Variants in HHAT observed in about 807,000 individuals in gnomAD.
The protein encoded by HHAT is protein-cysteine N-palmitoyltransferase HHAT.
Under a neutral mutation model 70.8 loss-of-function variants are expected in HHAT, and 47 were observed. The ratio of observed to expected loss-of-function variants is 0.66; its 90% CI spans 0.53 to 0.85. The LOEUF is 0.85. HHAT is among the 40% of genes least tolerant of loss of function. The pLI is 0.00. For missense variants in HHAT, 609 were observed against 604.8 expected, an observed-to-expected ratio of 1.01 and a Z score of -0.07; for synonymous variants, 228 against 247.6, an observed-to-expected ratio of 0.92 and a Z score of 0.74.
intron 9 of HHAT, among the ~76,000 whole-genome samples, chr1:210,518,225 A>G (rs2148597843): frequency 6.6e-6 from 1 of 152,250 alleles, no homozygotes; most frequent in East Asian, 1.9e-4. Context: ...CCCCTTTGCC[A>G]GCCTCTCCCT....
intron 10 of HHAT, 165 bp downstream of exon 10, chr1:210,588,264 G>C: frequency 1.6e-6 from 1 of 607,404 alleles, no homozygotes; most frequent in Non-Finnish European, 2.9e-6. Context: ...AGAAGCTTCT[G>C]TAGTGCATAT....
At chr1:210,546,949 G>T (rs144307291) in intron 9 of HHAT, among the ~76,000 whole-genome samples, 1 of 152,270 alleles carries the variant, frequency 6.6e-6, no homozygotes, top group African/African-American at 2.4e-5. Flanking sequence ...GATGAACTGG[G>T]GCCATCACCA....
At chr1:210,527,191 T>C (rs2095260507) in intron 9 of HHAT, among the ~76,000 whole-genome samples, 1 of 152,086 alleles carries the variant, frequency 6.6e-6, no homozygotes, top group Non-Finnish European at 1.5e-5. Flanking sequence ...TTCTCTTCTT[T>C]CCTTTAGTGC....
At chr1:210,398,603 A>G (rs1015772736) in intron 4 of HHAT, among the ~76,000 whole-genome samples, 7 of 152,230 alleles carry the variant, frequency 4.6e-5, no homozygotes, top group African/African-American at 1.7e-4. Context: ...TAAGTTCCCA[A>G]ACGAATCCCA....
chr1:210,665,851 A>G (rs1050704484), intron 11 of HHAT, among the ~76,000 whole-genome samples: 5 of 152,218 alleles, frequency 3.3e-5, no homozygotes, highest in African/African-American at 4.8e-5. Flanking sequence ...CTCTATGACA[A>G]GTTATTTACC....
chr1:210,592,232 G>A (rs1661885736), intron 10 of HHAT, among the ~76,000 whole-genome samples: 1 of 151,936 alleles, frequency 6.6e-6, no homozygotes, highest in Non-Finnish European at 1.5e-5. Context: ...TAGGGGTCTA[G>A]TTTCATTCTT....
intron 8 of HHAT, among the ~76,000 whole-genome samples, chr1:210,500,512 TTACTC>T (rs2094732473): frequency 1.3e-5 from 2 of 152,146 alleles, no homozygotes. Context: ...TGGGTGCAGT[TTACTC>T]TATAAGCAGA....
At chr1:210,350,687 C>T (rs143231942) in intron 2 of HHAT, among the ~76,000 whole-genome samples, 79 of 152,314 alleles carry the variant, frequency 5.2e-4, no homozygotes, top group Admixed American at 1.2e-3. Flanking sequence ...CATAGGTAAT[C>T]ATGGCGTCTG....
At chr1:210,478,475 C>CT (rs1413326825) in intron 8 of HHAT, among the ~76,000 whole-genome samples, 1 of 147,158 alleles carries the variant, frequency 6.8e-6, no homozygotes, top group Non-Finnish European at 1.5e-5. Context: ...TGGTCCTTGG[C>CT]TATTGGGATG....
At chr1:210,374,245 T>C (rs904915114) in intron 3 of HHAT, 7 of 146,038 alleles carry the variant, frequency 4.8e-5, no homozygotes, top group Non-Finnish European at 9.0e-5. Flanking sequence ...AAAGATTTAT[T>C]CGATCTGAAG....
At chr1:210,388,552 AT>A (rs376948754) in intron 4 of HHAT, among the ~76,000 whole-genome samples, 66 of 149,676 alleles carry the variant, frequency 4.4e-4, no homozygotes, top group African/African-American at 1.4e-3. Flanking sequence ...TATGATACTG[AT>A]TTTTTTTTTG....
chr1:210,619,260 T>A (rs916998042), intron 10 of HHAT, among the ~76,000 whole-genome samples: 2 of 152,138 alleles, frequency 1.3e-5, no homozygotes, highest in Admixed American at 6.5e-5. Flanking sequence ...ACAAAGTGAT[T>A]CTAATGAGCC....
intron 4 of HHAT, among the ~76,000 whole-genome samples, chr1:210,395,998 T>C (rs992952238): frequency 3.3e-5 from 5 of 152,130 alleles, no homozygotes; most frequent in African/African-American, 1.2e-4. Context: ...GACTATCAAG[T>C]AGAGTCAGAC....
chr1:210,395,615 G>T lies in HHAT; in HGVS notation c.274-4853G>T, dbSNP rs75486235. On this transcript the variant is annotated intron_variant, in intron 4 of 11. Transcript: ENST00000261458. ...GTGGAGTTGTTAAGAGATGCTGTGAGTAGCAAACAGGTAATAGGCAGTGAG... is the reference window on the plus strand; with the variant it reads ...GTGGAGTTGTTAAGAGATGCTGTGATTAGCAAACAGGTAATAGGCAGTGAG... 3.2e-3 allele frequency among the ~76,000 whole-genome samples: 488 copies of T among 152,294 alleles called. 3 individuals are homozygous for T. Among genetic ancestry groups the T allele is most frequent in the Non-Finnish European group, 3.8e-3 (257 of 68,026 alleles).
intron 7 of HHAT, among the ~76,000 whole-genome samples, chr1:210,450,696 A>C (rs1035829285): frequency 1.9e-4 from 29 of 151,936 alleles, no homozygotes; most frequent in Admixed American, 1.5e-3. Context: ...AAATATATAG[A>C]TAAAATGTAC....
rs1206534082 is a variant in HHAT, at chr1:210,587,947, C to G, written c.1093C>G (p.Leu365Val). Residue 365 changes from leucine to valine, a missense_variant, in exon 10 of 12, where the codon CTG becomes GTG. By Grantham distance (32) the Leu-to-Val change is conservative. Transcript: ENST00000261458. The stretch of plus-strand genomic sequence containing the variant: ...GTCCCAGCATGGCCTGCTGGGGACA[C>G]TGTTTTCCACGGCGATGACATTTGC... ...GGSQHGLLGT[L>V]FSTAMTFAFV... 3 of 1,613,992 alleles carry G rather than the reference C, an allele frequency of 1.9e-6. No individual in the cohort carries two copies. The highest frequency in any genetic ancestry group is 1.7e-6 in the Non-Finnish European group (2 of 1,180,014).
At chr1:210,364,644 G>T (rs557889083) in intron 3 of HHAT, among the ~76,000 whole-genome samples, 9 of 152,212 alleles carry the variant, frequency 5.9e-5, no homozygotes, top group Admixed American at 5.9e-4. Context: ...CCAGCCATGC[G>T]TTGCTACTTC....
intron 8 of HHAT, among the ~76,000 whole-genome samples, chr1:210,486,312 A>G (rs2094472153): frequency 6.6e-6 from 1 of 152,192 alleles, no homozygotes; most frequent in Non-Finnish European, 1.5e-5. Flanking sequence ...TAAAGGGCAT[A>G]TTTTTGAATT....
At chr1:210,410,257 C>CAAA (rs1369835121) in intron 6 of HHAT, among the ~76,000 whole-genome samples, 1 of 151,192 alleles carries the variant, frequency 6.6e-6, no homozygotes, top group Non-Finnish European at 1.5e-5. Flanking sequence ...GAGGTTTCAT[C>CAAA]GTGTTAGCCA....
Sources: gnomAD v4.1 joint callset for allele counts (sites outside exome capture counted in the v4.1 genomes callset) on GRCh38, gnomAD v4.1.1 for gene constraint, MANE v1.5 for transcripts, NCBI Gene and HGNC (gene_info 2026-07-23, HGNC 2026-07-21) for gene names.